MVB12B: variants seen among roughly 807,000 people sequenced by gnomAD.
MVB12B encodes the protein multivesicular body subunit 12B.
A neutral mutation model predicts 41.6 loss-of-function variants in MVB12B; 16 were observed. The ratio of observed to expected loss-of-function variants is 0.38; its 90% CI spans 0.26 to 0.58. The LOEUF (loss-of-function observed/expected upper bound fraction) is 0.58, where lower values mean the gene tolerates loss of function less well. Ranked by LOEUF, MVB12B falls within the 20% of genes least tolerant of loss-of-function variation. The pLI is 0.62. For synonymous variants in MVB12B, 133 were observed against 139.7 expected (o/e 0.95, Z 0.34); for missense variants, 274 against 380.2 (o/e 0.72, Z 2.32).
intron 2 of MVB12B, among the ~76,000 whole-genome samples, chr9:126,349,422 G>GA (rs1373441244): frequency 1.3e-5 from 2 of 152,092 alleles, no homozygotes; most frequent in Non-Finnish European, 1.5e-5. Context: ...ATAAAATATA[G>GA]AAAAAACCTG....
chr9:126,499,297 A>C (rs1050147190), intron 9 of MVB12B, among the ~76,000 whole-genome samples: 1 of 151,958 alleles, frequency 6.6e-6, no homozygotes. Flanking sequence ...TGACAGTTAC[A>C]TCTCTTTCCC....
At chr9:126,419,809 C>T (rs1042563894) in intron 6 of MVB12B, among the ~76,000 whole-genome samples, 21 of 152,178 alleles carry the variant, frequency 1.4e-4, no homozygotes, top group South Asian at 4.1e-4. Context: ...GGGCTGCACC[C>T]GGCCAGGCCC....
At chr9:126,499,055 T>C (rs936696902) in intron 9 of MVB12B, among the ~76,000 whole-genome samples, 1 of 152,220 alleles carries the variant, frequency 6.6e-6, no homozygotes, top group African/African-American at 2.4e-5. Flanking sequence ...ATCGTCCTAG[T>C]TGTGGGTAGA....
chr9:126,435,146 A>C (rs1287797938), intron 7 of MVB12B, among the ~76,000 whole-genome samples: 2 of 152,062 alleles, frequency 1.3e-5, no homozygotes, highest in Non-Finnish European at 2.9e-5. Context: ...GATAATGTAC[A>C]TGAAATACCC....
At chr9:126,327,244 G>A in intron 1 of MVB12B, 2 of 984,706 alleles carry the variant, frequency 2.0e-6, no homozygotes, top group Non-Finnish European at 2.4e-6. Flanking sequence ...GCGGCGAGAG[G>A]CGGGAGAAGC....
At chr9:126,428,067 A>G (rs1832231287) in intron 7 of MVB12B, among the ~76,000 whole-genome samples, 1 of 152,028 alleles carries the variant, frequency 6.6e-6, no homozygotes, top group African/African-American at 2.4e-5. Context: ...TGACACCAGG[A>G]AAGATGTCGG....
At chr9:126,406,159 G>A (rs1831417920) in intron 6 of MVB12B, among the ~76,000 whole-genome samples, 1 of 152,004 alleles carries the variant, frequency 6.6e-6, no homozygotes, top group South Asian at 2.1e-4. Flanking sequence ...TTAGGATTTA[G>A]AGGGGCTGTG....
At chr9:126,398,215 G>A (rs950669198) in intron 6 of MVB12B, among the ~76,000 whole-genome samples, 2 of 151,666 alleles carry the variant, frequency 1.3e-5, no homozygotes, top group African/African-American at 4.8e-5. Flanking sequence ...GAGCGCTTCC[G>A]GGGCATCTCG....
chr9:126,408,818 G>A (rs1015528497), intron 6 of MVB12B, among the ~76,000 whole-genome samples: 1 of 152,214 alleles, frequency 6.6e-6, no homozygotes. Context: ...TAGCAAAGGC[G>A]TACATTAAGG....
intron 9 of MVB12B, among the ~76,000 whole-genome samples, chr9:126,493,183 CCTT>C (rs1413547077): frequency 6.6e-6 from 1 of 151,908 alleles, no homozygotes; most frequent in Non-Finnish European, 1.5e-5. Context: ...CCCTGTTTTC[CCTT>C]ATTATTTTAT....
chr9:126,446,938 C>CTTTTTTTTTTTTTTTTTTTTTTTTTATTT (rs33991689), intron 7 of MVB12B, among the ~76,000 whole-genome samples: 1 of 104,320 alleles, frequency 9.6e-6, no homozygotes, highest in African/African-American at 3.9e-5. Context: ...TTTTAACTTT[C>CTTTTTTTTTTTTTTTTTTTTTTTTTATTT]TTTTTTTTTT....
Position 126,367,585 on chromosome 9 carries a change from T to C in MVB12B, c.205-13479T>C, listed in dbSNP as rs1299234536. On this transcript the variant is annotated intron_variant, in intron 2 of 9. Coordinates refer to ENST00000361171, the MANE Select transcript of MVB12B (RefSeq NM_033446.3). The surrounding 1 kb of genome is among the most constrained non-coding windows in gnomAD (Gnocchi z 4.3). ...GCCTGCCTCTTCTCCTTCTGCCTTA[T>C]GCTTGCTTTTGAGAGCTCTCAGCAC... 1.3e-5 allele frequency among the ~76,000 whole-genome samples: 2 copies of C among 152,218 alleles called. No homozygotes were observed. Among genetic ancestry groups the C allele is most frequent in the Non-Finnish European group, 2.9e-5 (2 of 68,042 alleles).
rs555911391 is a variant in MVB12B at position 126,490,832 on chromosome 9, T to A, written c.873+6800T>A. ...TACCTAAATATTTTCCTTGTTCTCA[T>A]GTTTGTAGTCAGTCCTCAAGAGTGT... is the stretch of plus-strand genomic sequence containing the variant. On this transcript the variant is annotated intron_variant, in intron 9 of 9. Transcript: ENST00000361171. Among the ~76,000 whole-genome samples the A allele has an allele frequency of 4.6e-5, 7 of 152,356 alleles. 1 individual carries two copies. In the South Asian group the frequency reaches 1.4e-3, roughly 32 times the overall value.
At chr9:126,432,301 C>T (rs1231404947) in intron 7 of MVB12B, among the ~76,000 whole-genome samples, 2 of 152,244 alleles carry the variant, frequency 1.3e-5, no homozygotes, top group Non-Finnish European at 2.9e-5. Flanking sequence ...GAGCCCAGCC[C>T]TTCACCTGCT....
Position 126,478,659 on chromosome 9 carries a change from G to A in MVB12B, c.758-2710G>A, listed in dbSNP as rs1228167104. Among the ~76,000 whole-genome samples, 1 of 152,148 alleles carries A rather than the reference G, an allele frequency of 6.6e-6. No individual in the cohort carries two copies. Among genetic ancestry groups the A allele is most frequent in the Non-Finnish European group, 1.5e-5 (1 of 68,028 alleles). On this transcript the variant is annotated intron_variant, in intron 7 of 9. Coordinates refer to ENST00000361171, the MANE Select transcript of MVB12B (RefSeq NM_033446.3). The surrounding 1 kb of genome is among the most constrained non-coding windows in gnomAD (Gnocchi z 4.2). ...AATGCCAGTCGAGACCCCCATCTTG[G>A]AAATCCTGCCCTTCTCTGTCCATTG...
intron 1 of MVB12B, among the ~76,000 whole-genome samples, chr9:126,330,892 TTTAGC>T (rs1224267879): frequency 6.6e-6 from 1 of 152,090 alleles, no homozygotes; most frequent in Non-Finnish European, 1.5e-5. Flanking sequence ...GCTTGTTTAG[TTTAGC>T]ATACTGTCCT....
intron 3 of MVB12B, among the ~76,000 whole-genome samples, chr9:126,384,665 A>G (rs919391334): frequency 2.0e-5 from 3 of 151,948 alleles, no homozygotes. Flanking sequence ...AGTAGCTGGG[A>G]CTACAAGCGT....
intron 6 of MVB12B, among the ~76,000 whole-genome samples, chr9:126,398,561 T>G (rs2119016904): frequency 6.6e-6 from 1 of 152,370 alleles, no homozygotes; most frequent in Admixed American, 6.5e-5. Context: ...TGCATCTTGC[T>G]ACTCTTTTCT....
In MVB12B at chr9:126,411,902, G is replaced by T. The variant is rs146530455; in HGVS notation, c.663-9952G>T. On this transcript the variant is annotated intron_variant, in intron 6 of 9. Coordinates refer to ENST00000361171, the MANE Select transcript of MVB12B (RefSeq NM_033446.3). ...AGAGCCTCACTTGGGAAACACAGGG[G>T]ACTTGGAGCAGGAATCCTGGCTGTG... Among the ~76,000 whole-genome samples, 104 of 152,348 alleles carry T rather than the reference G, an allele frequency of 6.8e-4. No homozygotes were observed. In the East Asian group the frequency reaches 0.017, roughly 25 times the overall value.
Sources: allele counts gnomAD v4.1 joint callset (sites outside exome capture counted in the v4.1 genomes callset), GRCh38; gene constraint gnomAD v4.1.1; non-coding constraint Gnocchi (gnomAD v3.1); transcripts MANE v1.5; gene names NCBI Gene and HGNC (gene_info 2026-07-23, HGNC 2026-07-21).